The following BOC variants were observed in gnomAD, a reference collection of about 807,000 sequenced individuals.
BOC encodes brother of CDO.
BOC carries 76 observed loss-of-function variants against 112.0 expected under a neutral mutation model. The ratio of observed to expected loss-of-function variants is 0.68; its 90% CI spans 0.56 to 0.82. BOC has a LOEUF of 0.82. Ranked by LOEUF, BOC falls within the 40% of genes least tolerant of loss-of-function variation. The pLI, the probability that BOC is intolerant of heterozygous loss-of-function variation, is 0.00. For missense variants in BOC, 1,309 were observed against 1,511.7 expected, an observed-to-expected ratio of 0.87 and a Z score of 2.22; for synonymous variants, 580 against 599.8, an observed-to-expected ratio of 0.97 and a Z score of 0.48.
chr3:113,267,761 C>T (rs1947648889), intron 4 of BOC, among the ~76,000 whole-genome samples: 1 of 152,180 alleles, frequency 6.6e-6, no homozygotes, highest in Non-Finnish European at 1.5e-5. Context: ...TAGTCTCGCT[C>T]TTTTCGCCCA....
intron 2 of BOC, among the ~76,000 whole-genome samples, chr3:113,237,516 G>C (rs1419138786): frequency 6.6e-6 from 1 of 152,176 alleles, no homozygotes; most frequent in African/African-American, 2.4e-5. Flanking sequence ...TAGGACGCCT[G>C]AAGCCACAAG....
intron 2 of BOC, among the ~76,000 whole-genome samples, chr3:113,239,972 CTCTGGCTT>C (rs1944076062): frequency 6.6e-6 from 1 of 152,216 alleles, no homozygotes; most frequent in South Asian, 2.1e-4. Context: ...TCTCCACCGA[CTCTGGCTT>C]TTCTAAGATT....
chr3:113,281,437 C>A (rs6792692), intron 15 of BOC, among the ~76,000 whole-genome samples: 4,520 of 152,204 alleles, frequency 0.03, 231 homozygotes, highest in African/African-American at 0.1. Flanking sequence ...TACTTTATTC[C>A]TGCAATGATA....
At chr3:113,247,599 A>T (rs901990640) in intron 2 of BOC, among the ~76,000 whole-genome samples, 2 of 151,818 alleles carry the variant, frequency 1.3e-5, no homozygotes, top group Non-Finnish European at 2.9e-5. Flanking sequence ...GCCTACTGTT[A>T]TGTGATCCTG....
chr3:113,221,843 TCCTCACCTCACCCCTTCCCTCTGAGG>T (rs1940728811), intron 2 of BOC, among the ~76,000 whole-genome samples: 2 of 151,650 alleles, frequency 1.3e-5, no homozygotes. Context: ...CTCTCAGGGG[TCCTCACCTCACCCCTTCCCTCTGAGG>T]CCTCCCTTCC....
intron 2 of BOC, among the ~76,000 whole-genome samples, chr3:113,228,151 G>A (rs186578577): frequency 2.6e-5 from 4 of 152,310 alleles, no homozygotes; most frequent in East Asian, 3.9e-4. Flanking sequence ...TTTAATGGAT[G>A]TTCAATAAGC....
intron 2 of BOC, among the ~76,000 whole-genome samples, chr3:113,231,124 G>T (rs1942543860): frequency 6.6e-6 from 1 of 152,182 alleles, no homozygotes; most frequent in Non-Finnish European, 1.5e-5. Context: ...GGTTGAAGGG[G>T]TGGTTGGGAA....
intron 7 of BOC, 28 bp downstream of exon 7, chr3:113,272,731 G>A (rs757930482): frequency 6.2e-7 from 1 of 1,608,302 alleles, no homozygotes; most frequent in Non-Finnish European, 8.5e-7. Flanking sequence ...ACTGTCTTCT[G>A]CTTGGCCTTC....
rs1576495768 is a variant in BOC, at chr3:113,278,837, A to C, written c.1816+54A>C. Reference sequence around the variant, plus strand: ...GCAGTCAGGACTGGAACTGCCTCAGAGGCCTGTTCCCATGGCTGAATGGGG... The same window carrying C: ...GCAGTCAGGACTGGAACTGCCTCAGCGGCCTGTTCCCATGGCTGAATGGGG... On this transcript the variant is annotated intron_variant, in intron 11 of 19. Coordinates refer to ENST00000682979, the MANE Select transcript of BOC (RefSeq NM_001378074.1). This position sits in a 1 kb window ranked among gnomAD's most constrained non-coding sequence, Gnocchi z 4.2. 5.5e-6 allele frequency: 8 copies of C among 1,466,644 alleles called. No homozygotes were observed. Among genetic ancestry groups the C allele is most frequent in the Non-Finnish European group, 7.5e-6 (8 of 1,071,770 alleles). 90.9% of individuals were successfully genotyped at this position (1,466,644 alleles called of 1,614,324 possible).
intron 4 of BOC, among the ~76,000 whole-genome samples, chr3:113,264,931 C>G (rs748849203): frequency 1.3e-5 from 2 of 152,174 alleles, no homozygotes; most frequent in Non-Finnish European, 2.9e-5. Context: ...AGCTGGATGT[C>G]CAGCTGGGGT....
intron 2 of BOC, among the ~76,000 whole-genome samples, chr3:113,228,649 T>G (rs1009982632): frequency 6.6e-6 from 1 of 152,080 alleles, no homozygotes; most frequent in Non-Finnish European, 1.5e-5. Context: ...CTGTTCCAAA[T>G]GTTGGGGGAG....
intron 4 of BOC, among the ~76,000 whole-genome samples, chr3:113,264,009 A>C (rs1947180751): frequency 1.3e-5 from 2 of 152,252 alleles, no homozygotes; most frequent in Non-Finnish European, 2.9e-5. Context: ...GACAGCCTAC[A>C]GAAGTGATGT....
rs865888726 is a variant in BOC, at chr3:113,276,673, A to G, written c.1543-1422A>G. On this transcript the variant is annotated intron_variant, in intron 9 of 19. Transcript: ENST00000682979. Reference sequence around the variant, plus strand: ...AGCTAATTTTCACTGTTTCACATCCATGAAGCAAGTTTCATTTCCTGGTGC... The same window carrying G: ...AGCTAATTTTCACTGTTTCACATCCGTGAAGCAAGTTTCATTTCCTGGTGC... Among the ~76,000 whole-genome samples, 9 of 152,348 alleles carry G rather than the reference A, an allele frequency of 5.9e-5. No homozygotes were observed. In the Middle Eastern group the frequency reaches 0.02, roughly 345 times the overall value.
intron 4 of BOC, among the ~76,000 whole-genome samples, chr3:113,253,625 T>G (rs1019391814): frequency 8.6e-5 from 13 of 151,872 alleles, no homozygotes; most frequent in Admixed American, 3.3e-4. Context: ...AGTGAACAAC[T>G]GATAACATTT....
At chr3:113,214,313 G>A (rs990095188) in intron 1 of BOC, among the ~76,000 whole-genome samples, 2 of 152,246 alleles carry the variant, frequency 1.3e-5, no homozygotes, top group South Asian at 2.1e-4. Context: ...CAACAACATG[G>A]TTTCCATGCC....
At chr3:113,224,331 T>C (rs1941278997) in intron 2 of BOC, among the ~76,000 whole-genome samples, 1 of 152,172 alleles carries the variant, frequency 6.6e-6, no homozygotes, top group African/African-American at 2.4e-5. Flanking sequence ...TGAGAGCATT[T>C]TCCCTGCAAA....
chr3:113,223,390 T>C (rs1296505067), intron 2 of BOC, among the ~76,000 whole-genome samples: 1 of 152,244 alleles, frequency 6.6e-6, no homozygotes, highest in Non-Finnish European at 1.5e-5. Context: ...TCCCCTATTA[T>C]TAACATCTTA....
chr3:113,268,522 C>T, intron 5 of BOC, 77 bp downstream of exon 5: 1 of 1,426,444 alleles, frequency 7.0e-7, no homozygotes, highest in South Asian at 1.2e-5. Flanking sequence ...CGCTGCTCAA[C>T]AAAGCTAGGG....
intron 4 of BOC, among the ~76,000 whole-genome samples, chr3:113,263,150 C>T (rs1947076681): frequency 6.6e-6 from 1 of 152,192 alleles, no homozygotes; most frequent in African/African-American, 2.4e-5. Context: ...GAGGTTGTGA[C>T]AGTTGGGGAA....
Sources: gnomAD v4.1 joint callset for allele counts (sites outside exome capture counted in the v4.1 genomes callset) on GRCh38, gnomAD v4.1.1 for gene constraint, Gnocchi (gnomAD v3.1) non-coding constraint, MANE v1.5 for transcripts, NCBI Gene and HGNC (gene_info 2026-07-23, HGNC 2026-07-21) for gene names.